MYRIP: variants seen among roughly 807,000 people sequenced by gnomAD.
MYRIP encodes myosin VIIA and Rab interacting protein.
A neutral mutation model predicts 98.0 loss-of-function variants in MYRIP; 49 were observed. The ratio of observed to expected loss-of-function variants is 0.50; its 90% confidence interval spans 0.40 to 0.63. The LOEUF is 0.63. MYRIP is among the 30% of genes least tolerant of loss of function. The probability of loss-of-function intolerance (pLI) is 0.00; values close to 1 mark genes in which losing one functional copy is unlikely to be tolerated. For synonymous variants in MYRIP, 404 were observed against 409.5 expected (o/e 0.99, Z 0.16); for missense variants, 1,004 against 1,058.2 (o/e 0.95, Z 0.71).
At chr3:40,227,405 T>C (rs746904931) in intron 11 of MYRIP, among the ~76,000 whole-genome samples, 7 of 152,072 alleles carry the variant, frequency 4.6e-5, no homozygotes, top group South Asian at 4.2e-4. Flanking sequence ...TCTCTCTCTC[T>C]CCCTCTATGT....
At chr3:39,893,611 C>A in intron 1 of MYRIP, among the ~76,000 whole-genome samples, 1 of 151,726 alleles carries the variant, frequency 6.6e-6, no homozygotes, top group Non-Finnish European at 1.5e-5. Context: ...ATAAGACATC[C>A]TATTGCCCAG....
chr3:39,954,970 GA>G (rs967897392), intron 2 of MYRIP, among the ~76,000 whole-genome samples: 197 of 150,416 alleles, frequency 1.3e-3, no homozygotes, highest in South Asian at 3.6e-3. Flanking sequence ...GAGAAGTTTA[GA>G]AAAAAAAAGA....
intron 9 of MYRIP, among the ~76,000 whole-genome samples, chr3:40,184,763 G>A (rs1395492336): frequency 6.6e-6 from 1 of 152,098 alleles, no homozygotes; most frequent in African/African-American, 2.4e-5. Context: ...ACATGATTTT[G>A]TACATAATTT....
chr3:39,901,734 CA>C (rs1471620391), intron 2 of MYRIP, among the ~76,000 whole-genome samples: 1 of 152,134 alleles, frequency 6.6e-6, no homozygotes, highest in African/African-American at 2.4e-5. Context: ...GATTATCCAA[CA>C]GCTAGAACAG....
At chr3:40,026,834 A>T (rs1232473539) in intron 2 of MYRIP, among the ~76,000 whole-genome samples, 1 of 152,086 alleles carries the variant, frequency 6.6e-6, no homozygotes, top group African/African-American at 2.4e-5. Context: ...TTCTTGAAAC[A>T]TCCTCCTTGT....
At chr3:40,153,794 C>T (rs1950165609) in intron 4 of MYRIP, among the ~76,000 whole-genome samples, 1 of 152,138 alleles carries the variant, frequency 6.6e-6, no homozygotes, top group Non-Finnish European at 1.5e-5. Flanking sequence ...GTGTAAAACT[C>T]CTTTCACCTA....
intron 1 of MYRIP, among the ~76,000 whole-genome samples, chr3:39,886,317 G>A (rs1264155316): frequency 6.6e-6 from 1 of 150,760 alleles, no homozygotes; most frequent in Non-Finnish European, 1.5e-5. Context: ...CATAATGACA[G>A]GATCAAATTC....
chr3:40,176,814 CAGG>C (rs1322440419), intron 8 of MYRIP, among the ~76,000 whole-genome samples: 1 of 147,002 alleles, frequency 6.8e-6, no homozygotes, highest in Non-Finnish European at 1.5e-5. Context: ...GAGGCCGAGG[CAGG>C]AGAATTGCTT....
chr3:39,991,777 C>G (rs1422876988), intron 2 of MYRIP, among the ~76,000 whole-genome samples: 1 of 152,132 alleles, frequency 6.6e-6, no homozygotes, highest in South Asian at 2.1e-4. Context: ...TGCTCTATAG[C>G]TTCTTTTTTC....
At chr3:40,119,745 A>C (rs1949359763) in intron 3 of MYRIP, among the ~76,000 whole-genome samples, 1 of 152,070 alleles carries the variant, frequency 6.6e-6, no homozygotes, top group Non-Finnish European at 1.5e-5. Context: ...AGGAAGGGGA[A>C]CATCACACTG....
chr3:39,858,468 C>T (rs942354445), intron 1 of MYRIP, among the ~76,000 whole-genome samples: 35 of 152,068 alleles, frequency 2.3e-4, no homozygotes, highest in Non-Finnish European at 1.0e-4. Context: ...CCACTTTCAA[C>T]AACAGATAGA....
intron 2 of MYRIP, among the ~76,000 whole-genome samples, chr3:39,943,047 C>A (rs936962216): frequency 3.3e-5 from 5 of 152,146 alleles, no homozygotes; most frequent in African/African-American, 4.8e-5. Flanking sequence ...CACATGAGCA[C>A]ACTTTTAGTT....
chr3:40,206,420 T>C (rs1951793923), intron 10 of MYRIP, among the ~76,000 whole-genome samples: 1 of 152,180 alleles, frequency 6.6e-6, no homozygotes, highest in South Asian at 2.1e-4. Flanking sequence ...GTGCATACGA[T>C]TTGTCTTTCT....
chr3:39,882,261 C>G (rs1197036775), intron 1 of MYRIP, among the ~76,000 whole-genome samples: 1 of 151,870 alleles, frequency 6.6e-6, no homozygotes, highest in African/African-American at 2.4e-5. Flanking sequence ...TCCCTGTGGC[C>G]TAGTTTCAGT....
Position 40,200,945 on chromosome 3 carries a change from G to A in MYRIP, c.1666-8909G>A, listed in dbSNP as rs189115347. 5.3e-5 allele frequency among the ~76,000 whole-genome samples: 8 copies of A among 152,276 alleles called. No individual in the cohort carries two copies. In the East Asian group the frequency reaches 5.8e-4, roughly 11 times the overall value. ...CACAATCCTGAGTCAAAGAAAAAAC[G>A]AAAGTGAAACCCACTGTTAGTGCTG... On this transcript the variant is annotated intron_variant, in intron 10 of 16. Coordinates refer to ENST00000302541, the MANE Select transcript of MYRIP (RefSeq NM_015460.4).
intron 3 of MYRIP, among the ~76,000 whole-genome samples, chr3:40,121,082 T>C (rs1949394237): frequency 6.6e-6 from 1 of 152,050 alleles, no homozygotes; most frequent in Non-Finnish European, 1.5e-5. Context: ...TCAGTGCCAG[T>C]GGCCTCAAGT....
At position 40,056,706 on chromosome 3, in the gene MYRIP, T is replaced by C. The variant is rs555391687; in HGVS notation, c.332+12435T>C. ...CTTAAGCACAAATAAGCTAAATAAC[T>C]TAGGTTAATTAATAGATTAGATTTC... On this transcript the variant is annotated intron_variant, in intron 3 of 16. Transcript: ENST00000302541. Among the ~76,000 whole-genome samples the C allele has an allele frequency of 2.1e-3, 315 of 152,290 alleles. 3 individuals are homozygous for C. The highest frequency in any genetic ancestry group is 2.0e-3 in the Non-Finnish European group (136 of 68,024).
intron 15 of MYRIP, among the ~76,000 whole-genome samples, chr3:40,250,953 C>T (rs531850847): frequency 6.6e-6 from 1 of 152,324 alleles, no homozygotes; most frequent in African/African-American, 2.4e-5. Flanking sequence ...TTCTGACCTG[C>T]CCCATGCATG....
intron 3 of MYRIP, among the ~76,000 whole-genome samples, chr3:40,112,513 T>C (rs780614457): frequency 1.3e-5 from 2 of 152,228 alleles, no homozygotes; most frequent in Admixed American, 6.5e-5. Flanking sequence ...CTAAAGCTGG[T>C]AGGAGCCATT....
Sources: gnomAD v4.1 joint callset for allele counts (sites outside exome capture counted in the v4.1 genomes callset) on GRCh38, gnomAD v4.1.1 for gene constraint, MANE v1.5 for transcripts, NCBI Gene and HGNC (gene_info 2026-07-23, HGNC 2026-07-21) for gene names.